The following ADAP1 variants were observed in gnomAD, a reference collection of about 807,000 sequenced individuals.
ADAP1 encodes ArfGAP with dual PH domains 1.
A neutral mutation model predicts 54.9 loss-of-function variants in ADAP1; 31 were observed. The ratio of observed to expected loss-of-function variants is 0.56; its 90% CI spans 0.42 to 0.76. ADAP1 has a LOEUF of 0.76. ADAP1 is among the 30% of genes least tolerant of loss of function. The pLI is 0.00. For synonymous variants in ADAP1, 313 were observed against 202.6 expected, an observed-to-expected ratio of 1.55 and a Z score of -4.63; for missense variants, 535 against 512.4, an observed-to-expected ratio of 1.04 and a Z score of -0.42.
At chr7:904,352 T>C in intron 5 of ADAP1, 80 bp from the exon 6 acceptor site, 2 of 1,496,776 alleles carry the variant, frequency 1.3e-6, no homozygotes, top group Admixed American at 2.2e-5. Context: ...ACCCTGTGGG[T>C]GCTGGCGGCG....
chr7:915,821 C>T lies in ADAP1; in HGVS notation c.388+4147G>A, dbSNP rs183472452. Among the ~76,000 whole-genome samples, 254 of 152,188 alleles carry T rather than the reference C, an allele frequency of 1.7e-3. 1 individual carries two copies. The highest frequency in any genetic ancestry group is 0.013 in the South Asian group (62 of 4,816). ...CTGCAGAACCTACGCCCACTGCCGA[C>T]GAGACGCTGTCTGCCACCCGCCTGC... On this transcript the variant is annotated intron_variant, in intron 4 of 10. Coordinates refer to ENST00000265846, the MANE Select transcript of ADAP1 (RefSeq NM_006869.4).
At position 898,849 on chromosome 7, in the gene ADAP1, GCCC is replaced by G; in HGVS notation, c.*69_*71del. ...GGCCAGGTGGCCTCAGGACGCCAGA[GCCC>G]CCCCATCCACGGGTCCCCTCCGTCC... On this transcript the variant is annotated 3_prime_UTR_variant, in exon 11 of 11. Transcript: ENST00000265846. 1 of 1,546,852 alleles carries G rather than the reference GCCC, an allele frequency of 6.5e-7. No individual in the cohort carries two copies. Among genetic ancestry groups the G allele is most frequent in the Admixed American group, 1.9e-5 (1 of 51,440 alleles).
chr7:900,142 T>C lies in ADAP1; in HGVS notation c.755A>G (p.Asn252Ser). The C allele has an allele frequency of 6.2e-7, 1 of 1,613,222 alleles. No homozygotes were observed. The highest frequency in any genetic ancestry group is 8.5e-7 in the Non-Finnish European group (1 of 1,179,930). The change falls in exon 8 of 11, where the codon AAC becomes AGC. Residue 252 changes from asparagine (N) to serine (S), a missense_variant. Asn to Ser is a conservative substitution (Grantham distance 46). Transcript: ENST00000265846. ...CTCCATGTAGCCTTCCTTCAGGTAGTTCCTGGAGAGCTTTGGCACCAGCTA... is the reference window on the plus strand; with the variant it reads ...CTCCATGTAGCCTTCCTTCAGGTAGCTCCTGGAGAGCTTTGGCACCAGCTA... Reference protein sequence around the residue: ...DADLVPKLSRNYLKEGYMEKT... With the variant: ...DADLVPKLSRSYLKEGYMEKT...
At chr7:916,155 G>A (rs995272873) in intron 4 of ADAP1, among the ~76,000 whole-genome samples, 2 of 152,192 alleles carry the variant, frequency 1.3e-5, no homozygotes, top group African/African-American at 4.8e-5. Flanking sequence ...CAGCACTTCT[G>A]TGAGCCACAC....
At chr7:944,673 C>T (rs935624509) in intron 1 of ADAP1, among the ~76,000 whole-genome samples, 1 of 152,160 alleles carries the variant, frequency 6.6e-6, no homozygotes. Flanking sequence ...TCACGGCAAA[C>T]ACGGCACCCA....
chr7:905,303 G>A lies in ADAP1; in HGVS notation c.389-131C>T, dbSNP rs565554731. On this transcript the variant is annotated intron_variant, in intron 4 of 10. Transcript: ENST00000265846. Reference sequence around the variant, plus strand: ...ACACGGACGGGGGACACGGACAGGGGGAGACGGACGGGGAGAGGGGACATG... The same window carrying A: ...ACACGGACGGGGGACACGGACAGGGAGAGACGGACGGGGAGAGGGGACATG... The A allele has an allele frequency of 2.8e-4, 144 of 515,616 alleles. 9 individuals carry two copies. Among genetic ancestry groups the A allele is most frequent in the African/African-American group, 1.4e-3 (56 of 40,842 alleles). 31.9% of individuals were successfully genotyped at this position (515,616 alleles called of 1,614,324 possible). A position where few individuals can be genotyped will look rare whatever the true frequency, so the allele number is the denominator to read the frequency against.
At chr7:937,610 GCCTCTGGGATTTGGGGGTCACGCCCGA>G (rs1376845070) in intron 1 of ADAP1, among the ~76,000 whole-genome samples, 1 of 82,384 alleles carries the variant, frequency 1.2e-5, no homozygotes, top group Non-Finnish European at 2.2e-5. Flanking sequence ...GTCACGCCCG[GCCTCTGGGATTTGGGGGTCACGCCCGA>G]CCTCTGGGAT....
chr7:901,136 C>G, intron 6 of ADAP1: 1 of 425,034 alleles, frequency 2.4e-6, no homozygotes, highest in East Asian at 7.1e-5. Context: ...CAGGGAGCCG[C>G]CCTGGTCCTC....
chr7:952,009 C>T (rs1201975419), intron 1 of ADAP1, among the ~76,000 whole-genome samples: 1 of 152,158 alleles, frequency 6.6e-6, no homozygotes, highest in South Asian at 2.1e-4. Flanking sequence ...CAAGGATGTA[C>T]GGAGGCACCC....
intron 1 of ADAP1, among the ~76,000 whole-genome samples, chr7:944,123 C>G (rs1028080361): frequency 6.6e-6 from 1 of 152,042 alleles, no homozygotes; most frequent in Non-Finnish European, 1.5e-5. Context: ...TGCTATATTG[C>G]CCAGGCTGGT....
At chr7:904,475 C>T (rs1289432029) in intron 5 of ADAP1, among the ~76,000 whole-genome samples, 2 of 152,192 alleles carry the variant, frequency 1.3e-5, no homozygotes, top group African/African-American at 4.8e-5. Context: ...ATGGGGACCT[C>T]AACGACACTG....
At chr7:899,389 T>C in intron 9 of ADAP1, 30 bp downstream of exon 9, 1 of 1,611,612 alleles carries the variant, frequency 6.2e-7, no homozygotes, top group Non-Finnish European at 8.5e-7. Context: ...TGAGCTGCCC[T>C]CCCGTGCTGG....
In ADAP1 at chr7:898,968, C is replaced by CA. The variant is rs751087625; in HGVS notation, c.1097-20dup. The CA allele has an allele frequency of 1.9e-6, 3 of 1,611,556 alleles. No homozygotes were observed. Among genetic ancestry groups the CA allele is most frequent in the Non-Finnish European group, 2.5e-6 (3 of 1,179,484 alleles). On this transcript the variant is annotated intron_variant, in intron 10 of 10. Transcript: ENST00000265846. The stretch of plus-strand genomic sequence containing the variant: ...GCCTCCACTGCAACGGAACAGGGTC[C>CA]AGCGTTGTCACAGCGGCGGGGAGCT...
chr7:910,164 C>G (rs1583143889), intron 4 of ADAP1, among the ~76,000 whole-genome samples: 1 of 152,198 alleles, frequency 6.6e-6, no homozygotes. Flanking sequence ...GCAGCCAGGC[C>G]GTTTCTTCCA....
intron 4 of ADAP1, among the ~76,000 whole-genome samples, chr7:916,695 G>A (rs1401584655): frequency 1.3e-5 from 2 of 152,290 alleles, no homozygotes; most frequent in East Asian, 1.9e-4. Context: ...AGAAATTGCT[G>A]TCTGGGTAGA....
At chr7:929,514 C>CAAA (rs71020548) in intron 2 of ADAP1, among the ~76,000 whole-genome samples, 15 of 89,322 alleles carry the variant, frequency 1.7e-4, no homozygotes, top group South Asian at 3.7e-4. Flanking sequence ...CACCCTGTCT[C>CAAA]AAAAAAAAAA....
intron 6 of ADAP1, 113 bp downstream of exon 6, chr7:904,013 T>G: frequency 7.1e-7 from 1 of 1,411,214 alleles, no homozygotes; most frequent in South Asian, 1.3e-5. Flanking sequence ...TCATGCCGCC[T>G]AGCTCAAGTG....
chr7:898,999 C>G, intron 10 of ADAP1, 34 bp downstream of exon 10: 1 of 1,609,106 alleles, frequency 6.2e-7, no homozygotes, highest in Admixed American at 1.7e-5. Flanking sequence ...GAGCTGGGAG[C>G]CCTTCCAGGC....
Position 926,493 on chromosome 7 carries a change from G to C in ADAP1, c.305+60C>G. The C allele has an allele frequency of 2.1e-6, 3 of 1,425,150 alleles. No homozygotes were observed. Among genetic ancestry groups the C allele is most frequent in the Middle Eastern group, 1.8e-4 (1 of 5,626 alleles). 88.3% of individuals were successfully genotyped at this position (1,425,150 alleles called of 1,614,324 possible). ...TCCCCACCCTGCCGGGTCCTCCCGG[G>C]GCCATCTCGGAGCCACCCAGCACTT... is the stretch of plus-strand genomic sequence containing the variant. On this transcript the variant is annotated intron_variant, in intron 3 of 10. Transcript: ENST00000265846. This position sits in a 1 kb window ranked among gnomAD's most constrained non-coding sequence, Gnocchi z 4.6.
Sources: allele counts gnomAD v4.1 joint callset (sites outside exome capture counted in the v4.1 genomes callset), GRCh38; gene constraint gnomAD v4.1.1; non-coding constraint Gnocchi (gnomAD v3.1); transcripts MANE v1.5; gene names NCBI Gene and HGNC (gene_info 2026-07-23, HGNC 2026-07-21).